DDAH1: variants seen among roughly 807,000 people sequenced by gnomAD.
DDAH1 encodes the protein dimethylarginine dimethylaminohydrolase 1, also known as N(G),N(G)-dimethylarginine dimethylaminohydrolase 1.
A neutral mutation model predicts 28.8 loss-of-function variants in DDAH1; 19 were observed. The ratio of observed to expected loss-of-function variants is 0.66; its 90% CI spans 0.46 to 0.97. The LOEUF is 0.97. Among genes scored for constraint, DDAH1 ranks in the 50% least tolerant of loss-of-function variants. The pLI, the probability that DDAH1 is intolerant of heterozygous loss-of-function variation, is 0.00. For synonymous variants in DDAH1, 153 were observed against 154.4 expected (o/e 0.99, Z 0.07); for missense variants, 326 against 375.9 (o/e 0.87, Z 1.10).
At chr1:85,438,299 C>A (rs1178888753) in intron 1 of DDAH1, among the ~76,000 whole-genome samples, 6 of 152,086 alleles carry the variant, frequency 3.9e-5, no homozygotes. Flanking sequence ...TGTAACCAAC[C>A]TGAACATGGA....
chr1:85,524,054 G>A (rs547521234), intron 1 of DDAH1, among the ~76,000 whole-genome samples: 6 of 151,500 alleles, frequency 4.0e-5, no homozygotes, highest in African/African-American at 9.7e-5. Flanking sequence ...TTATTCATTC[G>A]ACACACATTT....
intron 1 of DDAH1, among the ~76,000 whole-genome samples, chr1:85,545,281 T>C (rs1658586573): frequency 6.6e-6 from 1 of 152,122 alleles, no homozygotes; most frequent in Admixed American, 6.5e-5. Context: ...TTCTTCTCCT[T>C]TAATAATTTA....
chr1:85,397,855 C>G (rs1651882379), intron 1 of DDAH1, among the ~76,000 whole-genome samples: 1 of 152,148 alleles, frequency 6.6e-6, no homozygotes, highest in Admixed American at 6.6e-5. Flanking sequence ...GGAGGCCTCT[C>G]TCGCTATGTG....
chr1:85,479,915 A>T (rs1323988744), intron 2 of DDAH1, among the ~76,000 whole-genome samples: 1 of 152,200 alleles, frequency 6.6e-6, no homozygotes, highest in African/African-American at 2.4e-5. Flanking sequence ...TACCCATCTT[A>T]CACATACTGA....
intron 1 of DDAH1, among the ~76,000 whole-genome samples, chr1:85,423,283 G>A (rs541117277): frequency 6.6e-6 from 1 of 152,262 alleles, no homozygotes; most frequent in South Asian, 2.1e-4. Context: ...TTTAGAATCA[G>A]TTTGCCATTA....
intron 5 of DDAH1, among the ~76,000 whole-genome samples, chr1:85,322,264 G>T (rs1199729376): frequency 6.6e-6 from 1 of 151,866 alleles, no homozygotes; most frequent in Non-Finnish European, 1.5e-5. Context: ...TATACTTTAG[G>T]TTTATTTTCT....
At chr1:85,531,543 G>A (rs1242781719) in intron 1 of DDAH1, among the ~76,000 whole-genome samples, 21 of 151,924 alleles carry the variant, frequency 1.4e-4, no homozygotes, top group African/African-American at 5.1e-4. Flanking sequence ...ACTGCACTGT[G>A]TCTTAACATT....
chr1:85,450,461 A>G (rs1174321136), intron 1 of DDAH1, among the ~76,000 whole-genome samples: 1 of 152,208 alleles, frequency 6.6e-6, no homozygotes, highest in East Asian at 1.9e-4. Flanking sequence ...GCTTGGTGTC[A>G]CAGTTATTGT....
chr1:85,470,468 A>C (rs1655579673), intron 2 of DDAH1, among the ~76,000 whole-genome samples: 1 of 152,208 alleles, frequency 6.6e-6, no homozygotes, highest in African/African-American at 2.4e-5. Context: ...CTACAATTCA[A>C]GATGAGATTT....
intron 2 of DDAH1, chr1:85,488,156 CCTGGGTGACAGAACAAGACT>C (rs1656267485): frequency 1.3e-5 from 2 of 152,142 alleles, no homozygotes; most frequent in Admixed American, 1.3e-4. Context: ...TGGACTCCAG[CCTGGGTGACAGAACAAGACT>C]CTGTCTCAAA....
chr1:85,485,164 C>T (rs914920582), intron 2 of DDAH1, among the ~76,000 whole-genome samples: 13 of 152,116 alleles, frequency 8.5e-5, no homozygotes, highest in Admixed American at 6.5e-4. Flanking sequence ...AATAAGGATA[C>T]TCAGGTCCTG....
intron 2 of DDAH1, among the ~76,000 whole-genome samples, chr1:85,354,392 A>T (rs1273934711): frequency 6.6e-6 from 1 of 151,974 alleles, no homozygotes; most frequent in African/African-American, 2.4e-5. Flanking sequence ...CATCAGCCTG[A>T]TTCCCTCATT....
At chr1:85,556,556 C>T (rs942030879) in intron 1 of DDAH1, among the ~76,000 whole-genome samples, 4 of 152,164 alleles carry the variant, frequency 2.6e-5, no homozygotes, top group South Asian at 2.1e-4. Context: ...GCAGAATTTG[C>T]GCACGTGGAA....
rs1410561031 is a variant in DDAH1, at chr1:85,319,966, G to A, written c.*1486C>T. ...GACTGCAAACATAGAAGTGAGCAGA[G>A]CAAGATTTGAAGTGATACTTCTTAA... is the stretch of plus-strand genomic sequence containing the variant. On this transcript the variant is annotated 3_prime_UTR_variant, in exon 6 of 6. Transcript: ENST00000284031. 1 of 152,212 alleles carries A rather than the reference G, an allele frequency of 6.6e-6. No homozygotes were observed. Among genetic ancestry groups the A allele is most frequent in the Non-Finnish European group, 1.5e-5 (1 of 68,036 alleles). The allele number at this position is 152,212 out of a possible 1,614,324, so 9.4% of individuals were successfully genotyped here.
rs180870655 is a variant in DDAH1, at chr1:85,507,953, C to T, written c.-122-11672G>A. ...GTTAGGCCTGCCTAAAAGCTTACTTCGATTCAGATTAAGCCCTTTTGGCAA... is the reference window on the plus strand; with the variant it reads ...GTTAGGCCTGCCTAAAAGCTTACTTTGATTCAGATTAAGCCCTTTTGGCAA... On this transcript the variant is annotated intron_variant, in intron 1 of 6. Coordinates refer to the DDAH1 transcript ENST00000426972. 2.0e-5 allele frequency among the ~76,000 whole-genome samples: 3 copies of T among 152,286 alleles called. No individual in the cohort carries two copies. The East Asian group carries it at 5.8e-4, about 29-fold the overall frequency.
intron 1 of DDAH1, among the ~76,000 whole-genome samples, chr1:85,500,869 A>ATTT (rs111875871): frequency 6.9e-6 from 1 of 144,538 alleles, no homozygotes; most frequent in African/African-American, 2.6e-5. Context: ...TCATTTAGGG[A>ATTT]TTTTTTTTTC....
At chr1:85,416,465 G>A (rs1652892976) in intron 1 of DDAH1, among the ~76,000 whole-genome samples, 1 of 152,166 alleles carries the variant, frequency 6.6e-6, no homozygotes, top group South Asian at 2.1e-4. Context: ...AAAGTGTTGG[G>A]ATTACAGGCA....
intron 1 of DDAH1, chr1:85,404,489 AAC>A (rs1652310431): frequency 6.6e-7 from 1 of 1,519,200 alleles, no homozygotes; most frequent in African/African-American, 1.4e-5. Flanking sequence ...GTTACTGAAG[AAC>A]AGTCTGACCC....
At chr1:85,365,804 A>G (rs1287536028) in intron 1 of DDAH1, among the ~76,000 whole-genome samples, 1 of 152,192 alleles carries the variant, frequency 6.6e-6, no homozygotes, top group East Asian at 1.9e-4. Context: ...ACCTGTAAAT[A>G]TGATGAAGAT....
Sources: gnomAD v4.1 joint callset for allele counts (sites outside exome capture counted in the v4.1 genomes callset) on GRCh38, gnomAD v4.1.1 for gene constraint, MANE v1.5 for transcripts, NCBI Gene and HGNC (gene_info 2026-07-23, HGNC 2026-07-21) for gene names.